XYLT1: variants seen among roughly 807,000 people sequenced by gnomAD.
XYLT1 encodes beta-D-xylosyltransferase 1.
XYLT1 carries 36 observed loss-of-function variants against 91.3 expected under a neutral mutation model. The observed-to-expected ratio is 0.39, with a 90% CI of 0.30 to 0.52. The LOEUF is 0.52. XYLT1 is among the 20% of genes least tolerant of loss of function. The pLI is 0.68. For synonymous variants in XYLT1, 588 were observed against 532.0 expected (o/e 1.11, Z -1.45); for missense variants, 1,242 against 1,284.5 (o/e 0.97, Z 0.51).
At chr16:17,308,238 G>C (rs562685248) in intron 2 of XYLT1, among the ~76,000 whole-genome samples, 9 of 152,324 alleles carry the variant, frequency 5.9e-5, no homozygotes, top group African/African-American at 2.2e-4. Flanking sequence ...TTGGGTGAGA[G>C]ACCAGGAGAC....
In XYLT1 at chr16:17,429,668, A is replaced by G. The variant is rs561699072; in HGVS notation, c.363+40766T>C. On this transcript the variant is annotated intron_variant, in intron 1 of 11. Transcript: ENST00000261381. ...TCAGTAAAGTACATGGCCCTTTCCA[A>G]TGTGGGTGGTTATCAGCCAGTAGAT... is the stretch of plus-strand genomic sequence containing the variant. Among the ~76,000 whole-genome samples the G allele has an allele frequency of 6.5e-4, 99 of 152,176 alleles. 1 individual carries two copies. The highest frequency in any genetic ancestry group is 1.2e-3 in the Non-Finnish European group (82 of 68,010).
At chr16:17,405,503 G>A (rs1374581284) in intron 1 of XYLT1, among the ~76,000 whole-genome samples, 1 of 152,218 alleles carries the variant, frequency 6.6e-6, no homozygotes, top group African/African-American at 2.4e-5. Flanking sequence ...GGAGCCCTGG[G>A]GAGTTGAAAT....
chr16:17,279,668 T>C (rs2141782731), intron 2 of XYLT1, among the ~76,000 whole-genome samples: 1 of 152,324 alleles, frequency 6.6e-6, no homozygotes, highest in East Asian at 1.9e-4. Flanking sequence ...GTCAGCTTCT[T>C]CAGCATCTGG....
At chr16:17,387,383 A>G (rs532904606) in intron 1 of XYLT1, among the ~76,000 whole-genome samples, 5 of 152,164 alleles carry the variant, frequency 3.3e-5, no homozygotes, top group Non-Finnish European at 7.4e-5. Flanking sequence ...CCTTTGAAAA[A>G]TGGGGATATT....
intron 3 of XYLT1, chr16:17,251,230 A>G (rs1448341780): frequency 2.0e-5 from 3 of 152,256 alleles, no homozygotes; most frequent in African/African-American, 7.2e-5. Context: ...CTGATGGGTA[A>G]AGACGGTTTG....
chr16:17,175,358 T>C (rs937073718), intron 5 of XYLT1, among the ~76,000 whole-genome samples: 1 of 152,182 alleles, frequency 6.6e-6, no homozygotes, highest in Non-Finnish European at 1.5e-5. Flanking sequence ...TAAGAGTTGC[T>C]TGCTGAGGCA....
intron 1 of XYLT1, among the ~76,000 whole-genome samples, chr16:17,359,284 G>C (rs1257179850): frequency 6.6e-6 from 1 of 152,160 alleles, no homozygotes; most frequent in Non-Finnish European, 1.5e-5. Context: ...TTTCCACCAC[G>C]GGGTTTTAGG....
intron 2 of XYLT1, among the ~76,000 whole-genome samples, chr16:17,313,546 C>T (rs1457924103): frequency 1.3e-5 from 2 of 152,162 alleles, no homozygotes; most frequent in African/African-American, 2.4e-5. Context: ...TAGACCCATG[C>T]ACACAGCTTG....
rs150611164 is a variant in XYLT1, at chr16:17,108,594, G to A, written c.*101C>T. 297 of 1,184,262 alleles carry A rather than the reference G, an allele frequency of 2.5e-4. No individual in the cohort carries two copies. The Admixed American group carries it at 2.9e-3, about 12-fold the overall frequency. The allele number at this position is 1,184,262 out of a possible 1,614,324, so 73.4% of individuals were successfully genotyped here. A position where few individuals can be genotyped will look rare whatever the true frequency, so the allele number is the denominator to read the frequency against. On this transcript the variant is annotated 3_prime_UTR_variant, in exon 12 of 12. Coordinates refer to ENST00000261381, the MANE Select transcript of XYLT1 (RefSeq NM_022166.4). ...TATGGCCAGGAGAGACCCATTCACA[G>A]AGGGCCTCCCCCAGGGTGGGAGGCC...
At chr16:17,197,011 CAA>C (rs1491587276) in intron 5 of XYLT1, among the ~76,000 whole-genome samples, 2 of 89,678 alleles carry the variant, frequency 2.2e-5, no homozygotes, top group East Asian at 2.2e-4. Context: ...ACTCTGTCTC[CAA>C]AATATATATA....
chr16:17,361,302 G>A (rs917494563), intron 1 of XYLT1, among the ~76,000 whole-genome samples: 8 of 152,150 alleles, frequency 5.3e-5, no homozygotes, highest in African/African-American at 1.7e-4. Flanking sequence ...AATCTACAGC[G>A]TGCAGCCACG....
intron 2 of XYLT1, among the ~76,000 whole-genome samples, chr16:17,336,950 C>G (rs1319605110): frequency 6.6e-6 from 1 of 152,168 alleles, no homozygotes; most frequent in Non-Finnish European, 1.5e-5. Flanking sequence ...AAAAGAAAGG[C>G]ATATATTCTG....
intron 2 of XYLT1, among the ~76,000 whole-genome samples, chr16:17,287,901 T>C (rs1237302547): frequency 6.6e-6 from 1 of 151,770 alleles, no homozygotes; most frequent in Non-Finnish European, 1.5e-5. Context: ...TAAGTGAGAG[T>C]TTAAGATGTG....
intron 10 of XYLT1, among the ~76,000 whole-genome samples, chr16:17,127,008 G>C (rs1167320350): frequency 6.6e-6 from 1 of 152,170 alleles, no homozygotes; most frequent in Non-Finnish European, 1.5e-5. Context: ...ATAGGGAAGG[G>C]TTGGATGGAG....
chr16:17,144,657 G>A (rs767683756), intron 6 of XYLT1, among the ~76,000 whole-genome samples: 11 of 152,202 alleles, frequency 7.2e-5, no homozygotes, highest in Non-Finnish European at 1.2e-4. Context: ...AGATGACACA[G>A]ATTGAAAAGG....
rs984714850 is a variant in XYLT1 at position 17,470,624 on chromosome 16, G to A, written c.173C>T (p.Pro58Leu). 1.7e-4 allele frequency: 191 copies of A among 1,113,216 alleles called. No homozygotes were observed. Among genetic ancestry groups the A allele is most frequent in the Non-Finnish European group, 2.0e-4 (185 of 915,740 alleles). The allele number at this position is 1,113,216 out of a possible 1,614,324, so 69.0% of individuals were successfully genotyped here. A position where few individuals can be genotyped will look rare whatever the true frequency, so the allele number is the denominator to read the frequency against. Residue 58 changes from proline to leucine, a missense_variant, in exon 1 of 12, where the codon CCC becomes CTC. Physicochemically the swap from Pro to Leu is moderately conservative, Grantham distance 98 (BLOSUM62 -3). Transcript: ENST00000261381. Reference sequence around the variant, plus strand: ...CTCCCGGCGCGGGGCCGGGGCCGGGGGCGGCTGCTCCCCGCCGCCGACCGC... The same window carrying A: ...CTCCCGGCGCGGGGCCGGGGCCGGGAGCGGCTGCTCCCCGCCGCCGACCGC... ...GAAVGGGEQP[P>L]PAPAPRRERR...
intron 5 of XYLT1, among the ~76,000 whole-genome samples, chr16:17,165,639 C>T (rs1042467648): frequency 2.0e-5 from 3 of 152,168 alleles, no homozygotes; most frequent in Non-Finnish European, 2.9e-5. Context: ...TTGAAGTGAG[C>T]CGAGACTGTG....
intron 1 of XYLT1, among the ~76,000 whole-genome samples, chr16:17,448,318 T>C (rs1034043785): frequency 3.9e-5 from 6 of 152,196 alleles, no homozygotes; most frequent in South Asian, 2.1e-4. Context: ...TGAGCCGAGA[T>C]TGCGCCACTG....
chr16:17,348,213 G>A (rs2035172315), intron 2 of XYLT1, among the ~76,000 whole-genome samples: 1 of 152,154 alleles, frequency 6.6e-6, no homozygotes, highest in Non-Finnish European at 1.5e-5. Flanking sequence ...CCAACATGGA[G>A]ACAGCAGGAG....
Sources: allele counts gnomAD v4.1 joint callset (sites outside exome capture counted in the v4.1 genomes callset), GRCh38; gene constraint gnomAD v4.1.1; transcripts MANE v1.5; gene names NCBI Gene and HGNC (gene_info 2026-07-23, HGNC 2026-07-21).